Variants in AK9 observed in about 807,000 individuals in gnomAD.
AK9 encodes the protein adenylate kinase 9.
AK9 carries 191 observed loss-of-function variants against 239.6 expected under a neutral mutation model. That is an observed-to-expected ratio of 0.80 (90% CI 0.71 to 0.90). The LOEUF (loss-of-function observed/expected upper bound fraction) is 0.90. Among genes scored for constraint, AK9 ranks in the 40% least tolerant of loss-of-function variants. The pLI, the probability that AK9 is intolerant of heterozygous loss-of-function variation, is 0.00. For missense variants in AK9, 1,995 were observed against 2,214.7 expected (o/e 0.90, Z 1.99); for synonymous variants, 689 against 721.0 (o/e 0.96, Z 0.71).
intron 28 of AK9, among the ~76,000 whole-genome samples, 182 bp downstream of exon 28, chr6:109,533,069 C>A (rs1205298976): frequency 6.6e-6 from 1 of 152,150 alleles, no homozygotes; most frequent in Non-Finnish European, 1.5e-5. Flanking sequence ...ACACATTGAT[C>A]ACCACAAAAG....
At chr6:109,586,198 G>T in intron 17 of AK9, 126 bp from the exon 18 acceptor site, 1 of 855,802 alleles carries the variant, frequency 1.2e-6, no homozygotes, top group African/African-American at 1.8e-5. Context: ...GGAAAAAAAA[G>T]GGTGACAATT....
At chr6:109,617,378 T>C (rs1384998273) in intron 13 of AK9, among the ~76,000 whole-genome samples, 1 of 152,038 alleles carries the variant, frequency 6.6e-6, no homozygotes, top group African/African-American at 2.4e-5. Flanking sequence ...AAACAAAATG[T>C]TTTGAGGGAG....
intron 1 of AK9, among the ~76,000 whole-genome samples, chr6:109,689,826 A>G (rs543641506): frequency 1.3e-5 from 2 of 152,380 alleles, no homozygotes; most frequent in Admixed American, 6.5e-5. Context: ...AAGAGTTGCT[A>G]TCCTAGATAA....
At chr6:109,671,536 C>T (rs1312244552) in intron 5 of AK9, among the ~76,000 whole-genome samples, 1 of 152,152 alleles carries the variant, frequency 6.6e-6, no homozygotes, top group Non-Finnish European at 1.5e-5. Context: ...ATTCCACTTC[C>T]CACTCCCGCC....
At chr6:109,597,658 G>C (rs1478838347) in intron 17 of AK9, among the ~76,000 whole-genome samples, 2 of 145,252 alleles carry the variant, frequency 1.4e-5, no homozygotes, top group African/African-American at 5.1e-5. Flanking sequence ...GGGGGACAGA[G>C]AGAGACACCG....
chr6:109,632,903 A>ATAGG lies in AK9; in HGVS notation c.1254+19_1254+20insCCTA. Reference sequence around the variant, plus strand: ...GATAGATAGATAGATAGATAGATAGACAGATAGTTAGTTAGTCACCTTTCC... The same window carrying ATAGG: ...GATAGATAGATAGATAGATAGATAGATAGGCAGATAGTTAGTTAGTCACCTTTCC... On this transcript the variant is annotated intron_variant, in intron 12 of 40. Coordinates refer to ENST00000424296, the MANE Select transcript of AK9 (RefSeq NM_001145128.3). The ATAGG allele has an allele frequency of 1.2e-6, 2 of 1,608,168 alleles. No homozygotes were observed. Among genetic ancestry groups the ATAGG allele is most frequent in the Non-Finnish European group, 8.5e-7 (1 of 1,176,110 alleles).
intron 9 of AK9, 56 bp from the exon 10 acceptor site, chr6:109,641,672 C>T (rs1382336167): frequency 2.7e-6 from 4 of 1,461,036 alleles, no homozygotes; most frequent in Non-Finnish European, 3.8e-6. Context: ...CTCAAATACT[C>T]TGAAACAGTG....
At chr6:109,660,581 G>C (rs913641326) in intron 6 of AK9, among the ~76,000 whole-genome samples, 3 of 152,120 alleles carry the variant, frequency 2.0e-5, no homozygotes, top group African/African-American at 7.2e-5. Context: ...TTCACAAAAA[G>C]AATTTCAACC....
At chr6:109,674,351 T>C in intron 2 of AK9, 90 bp from the exon 3 acceptor site, 2 of 830,622 alleles carry the variant, frequency 2.4e-6, no homozygotes, top group East Asian at 2.8e-5. Flanking sequence ...CTATTGCTAG[T>C]TACTATTACA....
intron 20 of AK9, among the ~76,000 whole-genome samples, chr6:109,578,187 A>G (rs150018548): frequency 0.011 from 1,730 of 152,070 alleles, 31 homozygotes; most frequent in African/African-American, 0.039. Flanking sequence ...CACCCACCTC[A>G]GCCTCCCAAA....
At chr6:109,600,497 T>C (rs1462284294) in intron 17 of AK9, among the ~76,000 whole-genome samples, 4 of 152,212 alleles carry the variant, frequency 2.6e-5, no homozygotes, top group Non-Finnish European at 4.4e-5. Context: ...TTATTGAGGA[T>C]TTTTGCATCG....
At chr6:109,592,725 C>T (rs913232667) in intron 17 of AK9, among the ~76,000 whole-genome samples, 1 of 152,052 alleles carries the variant, frequency 6.6e-6, no homozygotes, top group African/African-American at 2.4e-5. Context: ...GTTTTACAGG[C>T]ATGAGCCACC....
At chr6:109,497,324 G>A (rs1008100620) in intron 38 of AK9, 141 bp downstream of exon 38, 11 of 582,762 alleles carry the variant, frequency 1.9e-5, no homozygotes, top group Non-Finnish European at 2.9e-5. Context: ...ACCAGTGCTT[G>A]TTCACACACA....
Position 109,564,200 on chromosome 6 carries a change from T to C in AK9, c.2515A>G (p.Ile839Val). The C allele has an allele frequency of 1.9e-6, 3 of 1,551,494 alleles. No homozygotes were observed. The highest frequency in any genetic ancestry group is 2.6e-6 in the Non-Finnish European group (3 of 1,146,876). The change falls in exon 23 of 41, where the codon ATC (isoleucine) becomes GTC (valine). Residue 839 changes from isoleucine (I) to valine (V), a missense_variant. Transcript: ENST00000424296. ...GCTTCTAGCTGTTTCCAGAGGATGA[T>C]GAAAGAACCAATCTTCTCTTTAAAT... The part of the protein sequence containing the change: ...EPFKEKIGSF[I>V]ILWKQLEATI...
At chr6:109,586,138 G>T in intron 17 of AK9, 66 bp from the exon 18 acceptor site, 1 of 1,277,494 alleles carries the variant, frequency 7.8e-7, no homozygotes, top group Non-Finnish European at 1.0e-6. Context: ...ACCTTGATAT[G>T]TAATTTTTGT....
chr6:109,518,301 C>T (rs1208724817), intron 29 of AK9, among the ~76,000 whole-genome samples: 1 of 152,058 alleles, frequency 6.6e-6, no homozygotes, highest in Non-Finnish European at 1.5e-5. Flanking sequence ...AGTTTCAGAT[C>T]ATTTAGCCTC....
At chr6:109,581,863 C>A (rs1788904740) in intron 19 of AK9, among the ~76,000 whole-genome samples, 1 of 152,182 alleles carries the variant, frequency 6.6e-6, no homozygotes, top group African/African-American at 2.4e-5. Flanking sequence ...CAATGCCTGG[C>A]TTCAAAGCTT....
intron 17 of AK9, among the ~76,000 whole-genome samples, chr6:109,587,005 G>A (rs1789587054): frequency 1.3e-5 from 2 of 152,082 alleles, no homozygotes; most frequent in African/African-American, 2.4e-5. Flanking sequence ...ACGAGGTCTT[G>A]CTATGTTGTC....
chr6:109,549,265 G>A lies in AK9; in HGVS notation c.2964+825C>T, dbSNP rs144185713. On this transcript the variant is annotated intron_variant, in intron 25 of 40. Coordinates refer to ENST00000424296, the MANE Select transcript of AK9 (RefSeq NM_001145128.3). Reference sequence around the variant, plus strand: ...CCAACCAGTGTCAGCCCTCACTCTCGAAACTCAACCAATCAGGATGGACTT... The same window carrying A: ...CCAACCAGTGTCAGCCCTCACTCTCAAAACTCAACCAATCAGGATGGACTT... Among the ~76,000 whole-genome samples the A allele has an allele frequency of 4.0e-3, 609 of 152,258 alleles. 9 individuals carry two copies. Among genetic ancestry groups the A allele is most frequent in the African/African-American group, 0.014 (579 of 41,544 alleles).
Sources: allele counts gnomAD v4.1 joint callset (sites outside exome capture counted in the v4.1 genomes callset), GRCh38; gene constraint gnomAD v4.1.1; transcripts MANE v1.5; gene names NCBI Gene and HGNC (gene_info 2026-07-23, HGNC 2026-07-21).